Variants in IL3RA observed in about 807,000 individuals in gnomAD.
The protein encoded by IL3RA is interleukin-3 receptor subunit alpha.
In IL3RA, 73 loss-of-function variants were observed where a neutral mutation model predicts 52.3. That is an observed-to-expected ratio of 1.40 (90% confidence interval 1.16 to 1.70). The LOEUF is 1.70. IL3RA is among the 40% of genes most tolerant of loss of function. The pLI is 0.00. For missense variants in IL3RA, 664 were observed against 504.4 expected, an observed-to-expected ratio of 1.32 and a Z score of -3.03; for synonymous variants, 260 against 194.0, an observed-to-expected ratio of 1.34 and a Z score of -2.83.
intron 8 of IL3RA, among the ~76,000 whole-genome samples, chrX:1,360,396 A>T (rs1276401867): frequency 1.6e-5 from 2 of 127,488 alleles, no homozygotes; most frequent in Non-Finnish European, 3.4e-5. Context: ...CACTGTCCAA[A>T]TCTGTGTCTC....
intron 9 of IL3RA, among the ~76,000 whole-genome samples, chrX:1,378,367 T>A (rs2088945256): frequency 6.6e-6 from 1 of 152,062 alleles, no homozygotes; most frequent in Non-Finnish European, 1.5e-5. Flanking sequence ...GCTCCCCGTG[T>A]CCCGAGCACC....
intron 4 of IL3RA, among the ~76,000 whole-genome samples, chrX:1,350,479 C>T (rs1316954802): frequency 2.7e-5 from 4 of 150,918 alleles, no homozygotes; most frequent in African/African-American, 4.9e-5. Context: ...GTCCCAGCTA[C>T]TCAGGAGGCT....
intron 11 of IL3RA, among the ~76,000 whole-genome samples, chrX:1,381,496 A>G (rs1203093656): frequency 1.3e-5 from 2 of 151,110 alleles, no homozygotes; most frequent in Non-Finnish European, 2.9e-5. Context: ...GCCCACCGTG[A>G]TCACGGGCCG....
intron 6 of IL3RA, among the ~76,000 whole-genome samples, chrX:1,355,080 AAGG>A (rs372236992): frequency 9.7e-5 from 1 of 10,362 alleles, no homozygotes; most frequent in Non-Finnish European, 1.6e-4. Context: ...GGGGAGGAAA[AAGG>A]AGGGGCAGGA....
chrX:1,357,811 GA>G (rs1402829611), intron 7 of IL3RA, among the ~76,000 whole-genome samples: 1 of 143,252 alleles, frequency 7.0e-6, no homozygotes, highest in Non-Finnish European at 1.5e-5. Flanking sequence ...TTTTTTTTAA[GA>G]AAATAAATGG....
In IL3RA at chrX:1,348,449, T is replaced by G. The variant is rs2085876028; in HGVS notation, c.202T>G (p.Cys68Gly). 4.3e-6 allele frequency: 7 copies of G among 1,613,648 alleles called. No homozygotes were observed. The highest frequency in any genetic ancestry group is 1.7e-5 in the Admixed American group (1 of 59,964). ...YSMPAVNNSY[C>G]QFGAISLCEV... ...CTCTTAGGCAGTGAACAATAGCTAT[T>G]GCCAGTTTGGAGCAATTTCCTTATG... Residue 68 changes from cysteine to glycine, a missense_variant, in exon 4 of 12, where the codon TGC becomes GGC. Coordinates refer to ENST00000331035, the MANE Select transcript of IL3RA (RefSeq NM_002183.4).
At chrX:1,381,872 TGTCCCTAA>T (rs1324546929) in intron 11 of IL3RA, among the ~76,000 whole-genome samples, 1 of 151,528 alleles carries the variant, frequency 6.6e-6, no homozygotes, top group Non-Finnish European at 1.5e-5. Context: ...GTGATACCTG[TGTCCCTAA>T]GAGAAAGGAA....
rs183329433 is a variant in IL3RA at position 1,339,400 on chromosome X, G to A, written c.-38-2328G>A. Among the ~76,000 whole-genome samples the A allele has an allele frequency of 8.7e-4, 132 of 152,284 alleles. 1 individual carries two copies. Among genetic ancestry groups the A allele is most frequent in the African/African-American group, 3.0e-3 (126 of 41,560 alleles). ...CCTTTTCCCTGCTGCCCTCAGTCCC[G>A]TCCCCAGCCTCAAGGGGCTCAGCTT... is the stretch of plus-strand genomic sequence containing the variant. On this transcript the variant is annotated intron_variant, in intron 1 of 11. Coordinates refer to ENST00000331035, the MANE Select transcript of IL3RA (RefSeq NM_002183.4).
In IL3RA at chrX:1,377,062, G is replaced by T. The variant is rs7391600; in HGVS notation, c.875-1597G>T. ...ACTAAGACATCTCATAAGAAGAGGA[G>T]ATGAGGACACAGACACACACCAAGG... On this transcript the variant is annotated intron_variant, in intron 9 of 11. Coordinates refer to ENST00000331035, the MANE Select transcript of IL3RA (RefSeq NM_002183.4). Among the ~76,000 whole-genome samples the T allele has an allele frequency of 1.2e-4, 17 of 140,536 alleles. No homozygotes were observed. In the East Asian group the frequency reaches 3.4e-3, roughly 28 times the overall value. The allele number at this position is 140,536 out of a possible 152,430, so 92.2% of individuals were successfully genotyped here.
At position 1,348,349 on chromosome X, in the gene IL3RA, G is replaced by A. The variant is rs1325909670; in HGVS notation, c.184-82G>A. 4.5e-6 allele frequency: 5 copies of A among 1,107,960 alleles called. No homozygotes were observed. The African/African-American group carries it at 4.6e-5, about 10-fold the overall frequency. The allele number at this position is 1,107,960 out of a possible 1,614,324, so 68.6% of individuals were successfully genotyped here. On this transcript the variant is annotated intron_variant, in intron 3 of 11. Transcript: ENST00000331035. ...GCGTGGGCGACGAGAGCGAAACTCT[G>A]CCTCAAAAAAAATCTGAACATCATT...
chrX:1,356,415 G>C (rs1428644209), intron 7 of IL3RA, 79 bp downstream of exon 7: 3 of 816,840 alleles, frequency 3.7e-6, no homozygotes, highest in African/African-American at 1.9e-5. Context: ...CTGGGGCCTT[G>C]AAACGGGCAA....
At chrX:1,354,080 T>C (rs1345068244) in intron 6 of IL3RA, among the ~76,000 whole-genome samples, 1 of 146,020 alleles carries the variant, frequency 6.8e-6, no homozygotes, top group Admixed American at 6.8e-5. Context: ...GGAGCCCCCA[T>C]CATGAGTCAT....
At chrX:1,363,972 G>C (rs1338108574) in intron 8 of IL3RA, among the ~76,000 whole-genome samples, 1 of 148,420 alleles carries the variant, frequency 6.7e-6, no homozygotes, top group Non-Finnish European at 1.5e-5. Context: ...CATGAGGTCA[G>C]GAAATCAAGA....
At chrX:1,359,001 AAAT>A (rs1455560644) in intron 8 of IL3RA, 114 bp downstream of exon 8, 2 of 720,540 alleles carry the variant, frequency 2.8e-6, no homozygotes, top group Non-Finnish European at 3.9e-6. Context: ...AAAATAATGA[AAAT>A]ATTATTAATA....
chrX:1,353,821 G>T, intron 6 of IL3RA, among the ~76,000 whole-genome samples: 1 of 137,582 alleles, frequency 7.3e-6, no homozygotes, highest in Admixed American at 7.4e-5. Context: ...CCCATCACGG[G>T]TTCCATCATG....
intron 2 of IL3RA, among the ~76,000 whole-genome samples, chrX:1,345,100 G>T (rs769398288): frequency 5.3e-5 from 8 of 149,800 alleles, no homozygotes; most frequent in African/African-American, 2.0e-4. Context: ...ACCAGGAGGC[G>T]GAGCTTGCAG....
chrX:1,381,951 TG>T (rs2089197349), intron 11 of IL3RA, among the ~76,000 whole-genome samples: 1 of 151,094 alleles, frequency 6.6e-6, no homozygotes, highest in Non-Finnish European at 1.5e-5. Context: ...TTGTTTTGTT[TG>T]TTTTTGTTTT....
intron 8 of IL3RA, among the ~76,000 whole-genome samples, chrX:1,359,738 ATCTC>A (rs1220456093): frequency 9.2e-5 from 5 of 54,620 alleles, no homozygotes; most frequent in South Asian, 5.3e-4. Flanking sequence ...CCCCGTTCCC[ATCTC>A]TCTCTCTGTG....
chrX:1,357,541 T>G (rs2086831153), intron 7 of IL3RA, among the ~76,000 whole-genome samples: 1 of 151,172 alleles, frequency 6.6e-6, no homozygotes, highest in Admixed American at 6.6e-5. Flanking sequence ...TTTTTGTATT[T>G]TTAGTAGAGA....
Sources: allele counts gnomAD v4.1 joint callset (sites outside exome capture counted in the v4.1 genomes callset), GRCh38; gene constraint gnomAD v4.1.1; transcripts MANE v1.5; gene names NCBI Gene and HGNC (gene_info 2026-07-23, HGNC 2026-07-21).